Variants in BRINP3 observed in about 807,000 individuals in gnomAD.
BRINP3 encodes the protein BMP/retinoic acid inducible neural specific 3, also known as BMP/retinoic acid-inducible neural-specific protein 3.
A neutral mutation model predicts 71.0 loss-of-function variants in BRINP3; 19 were observed. The observed-to-expected ratio is 0.27, with a 90% CI of 0.19 to 0.39. The LOEUF is 0.39. Among genes scored for constraint, BRINP3 ranks in the 10% least tolerant of loss-of-function variants. The probability of loss-of-function intolerance (pLI) is 1.00; values close to 1 mark genes in which losing one functional copy is unlikely to be tolerated. For synonymous variants in BRINP3, 380 were observed against 337.7 expected (o/e 1.13, Z -1.37); for missense variants, 959 against 940.8 (o/e 1.02, Z -0.25).
intron 2 of BRINP3, among the ~76,000 whole-genome samples, chr1:190,294,926 C>T (rs1051648515): frequency 6.6e-6 from 1 of 151,820 alleles, no homozygotes; most frequent in Non-Finnish European, 1.5e-5. Context: ...GGACAGTTCC[C>T]TGGGTTTCTA....
intron 6 of BRINP3, among the ~76,000 whole-genome samples, chr1:190,186,935 ACT>A (rs1485927898): frequency 6.6e-6 from 1 of 152,148 alleles, no homozygotes; most frequent in East Asian, 1.9e-4. Flanking sequence ...AGGTTTGGAC[ACT>A]CTGAAATAGA....
At chr1:190,261,183 G>A (rs12118393) in intron 4 of BRINP3, among the ~76,000 whole-genome samples, 63,735 of 151,512 alleles carry the variant, frequency 0.42, 13,906 homozygotes, top group Non-Finnish European at 0.49. Flanking sequence ...TCTCATCACC[G>A]TCAATTATAT....
chr1:190,237,990 C>A (rs893971191), intron 4 of BRINP3, among the ~76,000 whole-genome samples: 1 of 151,918 alleles, frequency 6.6e-6, no homozygotes, highest in African/African-American at 2.4e-5. Flanking sequence ...TATATTGTAA[C>A]AAGAAAACCA....
At chr1:190,185,431 CA>C (rs1653427749) in intron 6 of BRINP3, among the ~76,000 whole-genome samples, 3 of 151,862 alleles carry the variant, frequency 2.0e-5, no homozygotes, top group South Asian at 2.1e-4. Context: ...TAGCTATTAT[CA>C]AAAAAGAAAA....
intron 4 of BRINP3, among the ~76,000 whole-genome samples, chr1:190,236,319 T>A (rs1395236477): frequency 6.6e-6 from 1 of 151,988 alleles, no homozygotes; most frequent in Non-Finnish European, 1.5e-5. Context: ...GTTTTGAACA[T>A]GTTGACTCTC....
intron 7 of BRINP3, among the ~76,000 whole-genome samples, chr1:190,116,606 A>G (rs1049822016): frequency 1.3e-4 from 20 of 152,020 alleles, no homozygotes; most frequent in Admixed American, 1.3e-3. Context: ...GGTTGGTGTA[A>G]ACATAACAAT....
chr1:190,148,613 A>G (rs1571841875), intron 7 of BRINP3, among the ~76,000 whole-genome samples: 2 of 140,878 alleles, frequency 1.4e-5, no homozygotes, highest in East Asian at 2.0e-4. Context: ...ATAAATAAAT[A>G]AATAAATAAA....
chr1:190,226,371 A>T, intron 5 of BRINP3, 53 bp from the exon 6 acceptor site: 1 of 999,508 alleles, frequency 1.0e-6, no homozygotes, highest in South Asian at 1.8e-5. Context: ...AGAAAAAATT[A>T]AAATACTTAT....
chr1:190,334,171 A>T (rs909320627), intron 2 of BRINP3, among the ~76,000 whole-genome samples: 1 of 151,936 alleles, frequency 6.6e-6, no homozygotes, highest in African/African-American at 2.4e-5. Flanking sequence ...TAAGTTAATT[A>T]TACAAATGGG....
At chr1:190,130,620 A>C (rs551314619) in intron 7 of BRINP3, among the ~76,000 whole-genome samples, 1 of 151,758 alleles carries the variant, frequency 6.6e-6, no homozygotes, top group Non-Finnish European at 1.5e-5. Context: ...ATCTTACCTA[A>C]TTTTCTAAAG....
At chr1:190,391,838 A>G (rs1007812884) in intron 2 of BRINP3, among the ~76,000 whole-genome samples, 5 of 151,784 alleles carry the variant, frequency 3.3e-5, no homozygotes, top group Non-Finnish European at 7.4e-5. Flanking sequence ...CAATTCTTCC[A>G]GCATTAAAGA....
intron 2 of BRINP3, among the ~76,000 whole-genome samples, chr1:190,304,639 T>C (rs1345599054): frequency 6.6e-6 from 1 of 151,840 alleles, no homozygotes; most frequent in Non-Finnish European, 1.5e-5. Flanking sequence ...ATCAAAGATT[T>C]AAATTTAAGA....
At chr1:190,283,562 T>G (rs1379251561) in intron 2 of BRINP3, among the ~76,000 whole-genome samples, 3 of 151,232 alleles carry the variant, frequency 2.0e-5, no homozygotes, top group African/African-American at 4.8e-5. Flanking sequence ...CAATAAATTT[T>G]TATGTTAGTC....
chr1:190,351,793 G>T (rs1460327638), intron 2 of BRINP3, among the ~76,000 whole-genome samples: 2 of 152,156 alleles, frequency 1.3e-5, no homozygotes, highest in South Asian at 4.1e-4. Context: ...GCTTTAAAAT[G>T]TATACTTCTG....
intron 6 of BRINP3, among the ~76,000 whole-genome samples, chr1:190,162,483 C>T (rs1651094769): frequency 6.6e-6 from 1 of 151,938 alleles, no homozygotes. Flanking sequence ...TTTATTTGGT[C>T]CCATTTGTGT....
intron 2 of BRINP3, among the ~76,000 whole-genome samples, chr1:190,388,966 T>C (rs561382436): frequency 6.6e-5 from 10 of 151,834 alleles, no homozygotes; most frequent in South Asian, 4.1e-4. Flanking sequence ...TTACTGAGCT[T>C]AATAGAGTAC....
At chr1:190,207,241 C>A (rs1655590129) in intron 6 of BRINP3, among the ~76,000 whole-genome samples, 2 of 152,048 alleles carry the variant, frequency 1.3e-5, no homozygotes, top group Non-Finnish European at 2.9e-5. Context: ...TGAGGCAAGA[C>A]TTCATGCTTC....
At chr1:190,306,034 T>A (rs549010726) in intron 2 of BRINP3, among the ~76,000 whole-genome samples, 1 of 152,004 alleles carries the variant, frequency 6.6e-6, no homozygotes, top group African/African-American at 2.4e-5. Flanking sequence ...AATATTCAAC[T>A]GACACCCTGT....
intron 2 of BRINP3, among the ~76,000 whole-genome samples, chr1:190,406,889 T>A (rs1354565066): frequency 6.6e-6 from 1 of 152,204 alleles, no homozygotes; most frequent in East Asian, 1.9e-4. Context: ...GTATAAAATG[T>A]AAAGTTTCAC....
Sources: allele counts gnomAD v4.1 joint callset (sites outside exome capture counted in the v4.1 genomes callset), GRCh38; gene constraint gnomAD v4.1.1; transcripts MANE v1.5; gene names NCBI Gene and HGNC (gene_info 2026-07-23, HGNC 2026-07-21).